Variants in NCOA1 observed in about 807,000 individuals in gnomAD.
NCOA1 encodes the protein Hin-2 protein.
In NCOA1, 35 loss-of-function variants were observed where a neutral mutation model predicts 150.9. The ratio of observed to expected loss-of-function variants is 0.23; its 90% CI spans 0.18 to 0.31. The LOEUF (loss-of-function observed/expected upper bound fraction) is 0.31, where lower values mean the gene tolerates loss of function less well. Among genes scored for constraint, NCOA1 ranks in the 10% least tolerant of loss-of-function variants. The pLI is 1.00. For synonymous variants in NCOA1, 590 were observed against 630.0 expected (o/e 0.94, Z 0.95); for missense variants, 1,491 against 1,749.3 (o/e 0.85, Z 2.63).
At chr2:24,730,129 C>A (rs1362768288) in intron 17 of NCOA1, among the ~76,000 whole-genome samples, 1 of 152,196 alleles carries the variant, frequency 6.6e-6, no homozygotes, top group Non-Finnish European at 1.5e-5. Flanking sequence ...CAGGCGTGAG[C>A]CACCGCACCC....
chr2:24,606,685 A>T (rs1668385343), intron 3 of NCOA1, among the ~76,000 whole-genome samples: 1 of 152,172 alleles, frequency 6.6e-6, no homozygotes, highest in African/African-American at 2.4e-5. Context: ...GGATAGTGAG[A>T]AATACCATGT....
intron 1 of NCOA1, among the ~76,000 whole-genome samples, chr2:24,562,481 A>T (rs2148256193): frequency 6.6e-6 from 1 of 152,296 alleles, no homozygotes; most frequent in East Asian, 1.9e-4. Flanking sequence ...ATTTACACAA[A>T]TGGGTAAGGA....
chr2:24,589,110 T>C (rs546510030), intron 3 of NCOA1, among the ~76,000 whole-genome samples: 1 of 152,284 alleles, frequency 6.6e-6, no homozygotes, highest in Non-Finnish European at 1.5e-5. Flanking sequence ...GACTTATGGG[T>C]TGGCTTGTGT....
At chr2:24,494,245 T>C (rs1405950465) in intron 1 of NCOA1, among the ~76,000 whole-genome samples, 1 of 152,228 alleles carries the variant, frequency 6.6e-6, no homozygotes, top group Non-Finnish European at 1.5e-5. Context: ...ATAGGGAATC[T>C]GTATACTAGA....
intron 2 of NCOA1, among the ~76,000 whole-genome samples, chr2:24,576,954 T>C (rs1667015386): frequency 6.6e-6 from 1 of 152,216 alleles, no homozygotes; most frequent in Non-Finnish European, 1.5e-5. Flanking sequence ...CTTAGTACTT[T>C]TAACTGAATT....
chr2:24,565,522 C>T (rs1481873256), intron 2 of NCOA1, among the ~76,000 whole-genome samples: 2 of 152,128 alleles, frequency 1.3e-5, no homozygotes, highest in Non-Finnish European at 2.9e-5. Flanking sequence ...AGCATAAATT[C>T]CAAAAATAAT....
At chr2:24,541,702 A>C (rs1665406442) in intron 1 of NCOA1, among the ~76,000 whole-genome samples, 1 of 152,234 alleles carries the variant, frequency 6.6e-6, no homozygotes, top group African/African-American at 2.4e-5. Flanking sequence ...ACTGATCTAA[A>C]TAATCCTTGA....
chr2:24,691,839 C>A (rs1019412233), intron 9 of NCOA1, among the ~76,000 whole-genome samples, 179 bp downstream of exon 9: 11 of 152,186 alleles, frequency 7.2e-5, no homozygotes, highest in Non-Finnish European at 1.5e-4. Context: ...TTACTAACAT[C>A]TAGAATCATT....
chr2:24,499,671 T>G (rs2148071180), intron 1 of NCOA1, among the ~76,000 whole-genome samples: 1 of 152,350 alleles, frequency 6.6e-6, no homozygotes, highest in East Asian at 1.9e-4. Flanking sequence ...ATAAATGAGA[T>G]TGGTCATACA....
intron 5 of NCOA1, among the ~76,000 whole-genome samples, chr2:24,664,903 A>G (rs1023947007): frequency 1.3e-5 from 2 of 152,188 alleles, no homozygotes; most frequent in African/African-American, 4.8e-5. Context: ...GTTTGATGAA[A>G]ACAAAATTTC....
intron 6 of NCOA1, among the ~76,000 whole-genome samples, chr2:24,666,652 T>TG (rs755524268): frequency 4.2e-5 from 6 of 144,376 alleles, no homozygotes; most frequent in African/African-American, 1.5e-4. Context: ...TTTTTTTTTT[T>TG]GAGATGGATC....
At chr2:24,515,133 G>A (rs954098351) in intron 1 of NCOA1, among the ~76,000 whole-genome samples, 1 of 152,060 alleles carries the variant, frequency 6.6e-6, no homozygotes, top group African/African-American at 2.4e-5. Context: ...AAAATTTTTT[G>A]TTAAAAACAT....
chr2:24,495,090 G>A (rs1663142601), intron 1 of NCOA1, among the ~76,000 whole-genome samples: 1 of 140,370 alleles, frequency 7.1e-6, no homozygotes, highest in South Asian at 2.3e-4. Flanking sequence ...GGAGATGAAG[G>A]TGTTTTTTTT....
At chr2:24,744,265 T>A (rs1227279762) in intron 19 of NCOA1, among the ~76,000 whole-genome samples, 2 of 152,162 alleles carry the variant, frequency 1.3e-5, no homozygotes, top group Non-Finnish European at 2.9e-5. Flanking sequence ...AAAATAAGAA[T>A]TTGCTTTTTA....
chr2:24,627,124 T>TTTTTG (rs1669455157), intron 3 of NCOA1, among the ~76,000 whole-genome samples: 1 of 36,444 alleles, frequency 2.7e-5, no homozygotes, highest in African/African-American at 6.1e-5. Context: ...TTTTGCTGTT[T>TTTTTG]TTTTTTTTTT....
chr2:24,745,124 C>T (rs1399608578), intron 19 of NCOA1, among the ~76,000 whole-genome samples: 1 of 151,118 alleles, frequency 6.6e-6, no homozygotes, highest in Non-Finnish European at 1.5e-5. Flanking sequence ...TGTAAAAGAA[C>T]AGAATCAGAC....
At chr2:24,761,238 G>A (rs1417327460) in intron 21 of NCOA1, among the ~76,000 whole-genome samples, 1 of 152,162 alleles carries the variant, frequency 6.6e-6, no homozygotes, top group Admixed American at 6.5e-5. Flanking sequence ...TGCATGTATA[G>A]TGCACTTGAA....
At chr2:24,653,676 A>G (rs1670802768) in intron 4 of NCOA1, among the ~76,000 whole-genome samples, 1 of 152,226 alleles carries the variant, frequency 6.6e-6, no homozygotes, top group South Asian at 2.1e-4. Flanking sequence ...TGTAACTTAT[A>G]GCACATTGTA....
chr2:24,530,308 T>C (rs1311750669), intron 1 of NCOA1, among the ~76,000 whole-genome samples: 1 of 152,240 alleles, frequency 6.6e-6, no homozygotes, highest in Non-Finnish European at 1.5e-5. Context: ...TGGAATGTTT[T>C]AGTGAGAATC....
Sources: gnomAD v4.1 joint callset for allele counts (sites outside exome capture counted in the v4.1 genomes callset) on GRCh38, gnomAD v4.1.1 for gene constraint, MANE v1.5 for transcripts, NCBI Gene and HGNC (gene_info 2026-07-23, HGNC 2026-07-21) for gene names.